Variants in ATF6B observed in about 807,000 individuals in gnomAD.
The protein encoded by ATF6B is activating transcription factor 6 beta.
A neutral mutation model predicts 83.5 loss-of-function variants in ATF6B; 50 were observed. The ratio of observed to expected loss-of-function variants is 0.60; its 90% CI spans 0.48 to 0.76. The LOEUF (loss-of-function observed/expected upper bound fraction) is 0.76. ATF6B is among the 30% of genes least tolerant of loss of function. ATF6B has a pLI of 0.00. For missense variants in ATF6B, 790 were observed against 893.8 expected (o/e 0.88, Z 1.48); for synonymous variants, 344 against 362.8 (o/e 0.95, Z 0.59).
intron 6 of ATF6B, 25 bp from the exon 7 acceptor site, chr6:32,121,149 A>G: frequency 6.2e-7 from 1 of 1,605,042 alleles, no homozygotes; most frequent in South Asian, 1.1e-5. Flanking sequence ...CCAGAGATAC[A>G]TTAGTCAGGA....
chr6:32,126,306 G>C, intron 4 of ATF6B, 54 bp from the exon 5 acceptor site: 1 of 1,596,344 alleles, frequency 6.3e-7, no homozygotes, highest in Non-Finnish European at 8.5e-7. Context: ...AAAAACAAGG[G>C]AGATGTTGAC....
rs774261677 is a variant in ATF6B, at chr6:32,127,449, G to A, written c.243C>T (p.Ile81=). ...CGACAAAGACTACCTTACCTGGGAA[G>A]ATCGGCAGGAGTTCCCATGGGGGCT... ...PSEPPWELLP[I]FPDLQVKSEP... The change falls in exon 3 of 18, where the codon ATC becomes ATT. Residue 81 remains isoleucine, a synonymous_variant. Coordinates refer to ENST00000375203, the MANE Select transcript of ATF6B (RefSeq NM_004381.5). The A allele has an allele frequency of 1.9e-6, 3 of 1,611,752 alleles. No individual in the cohort carries two copies. The highest frequency in any genetic ancestry group is 2.2e-5 in the South Asian group (2 of 90,894).
In ATF6B at chr6:32,117,185, G is replaced by A; in HGVS notation, c.1615-78C>T. On this transcript the variant is annotated intron_variant, in intron 14 of 17. Coordinates refer to ENST00000375203, the MANE Select transcript of ATF6B (RefSeq NM_004381.5). This position sits in a 1 kb window ranked among gnomAD's most constrained non-coding sequence, Gnocchi z 5.0. Reference sequence around the variant, plus strand: ...AGACAAACAGCCCCTGGAAGCTGATGCCACCTCCCACTCAACCCTCCACTT... The same window carrying A: ...AGACAAACAGCCCCTGGAAGCTGATACCACCTCCCACTCAACCCTCCACTT... 6.5e-7 allele frequency: 1 copy of A among 1,546,198 alleles called. No homozygotes were observed. Among genetic ancestry groups the A allele is most frequent in the Non-Finnish European group, 8.9e-7 (1 of 1,126,806 alleles).
In ATF6B at chr6:32,115,739, T is replaced by C; in HGVS notation, c.2112A>G (p.Ter704TrpextTer8). The change falls in exon 18 of 18, where the codon TGA becomes TGG. Residue 704 changes from the stop codon to tryptophan (W), a stop_lost. Transcript: ENST00000375203. ...TCTAAGTCAGTGTGAATGGCAGAGG[T>C]CAGGGATGATTGAGGTAGAGGGGCT... ...SHQPLYLNHP[*>W] 1 of 1,592,302 alleles carries C rather than the reference T, an allele frequency of 6.3e-7. No homozygotes were observed. Among genetic ancestry groups the C allele is most frequent in the Non-Finnish European group, 8.6e-7 (1 of 1,168,834 alleles).
chr6:32,125,951 T>TCCTCTCCTTCCTGCCTTC lies in ATF6B; in HGVS notation c.478+148_478+165dup. ...CCTTGCTGTGGTTCCCTGAAATGTT[T>TCCTCTCCTTCCTGCCTTC]CCTCTCCTTCCTGCCTTCCCTCCTG... On this transcript the variant is annotated intron_variant, in intron 5 of 17. Transcript: ENST00000375203. The surrounding 1 kb of genome is among the most constrained non-coding windows in gnomAD (Gnocchi z 4.1). 1 of 968,542 alleles carries TCCTCTCCTTCCTGCCTTC rather than the reference T, an allele frequency of 1.0e-6. No homozygotes were observed. The highest frequency in any genetic ancestry group is 2.6e-5 in the East Asian group (1 of 38,068). The allele number at this position is 968,542 out of a possible 1,614,324, so 60.0% of individuals were successfully genotyped here.
In ATF6B at chr6:32,117,696, T is replaced by C. The variant is rs773553311; in HGVS notation, c.1425-2A>G. 5 of 1,613,666 alleles carry C rather than the reference T, an allele frequency of 3.1e-6. No individual in the cohort carries two copies. In the South Asian group the frequency reaches 5.5e-5, roughly 18 times the overall value. On this transcript the variant is annotated splice_acceptor_variant, in intron 12 of 17. Transcript: ENST00000375203. LOFTEE classifies it high-confidence loss of function. The surrounding 1 kb of genome is among the most constrained non-coding windows in gnomAD (Gnocchi z 5.0). ...CCCCCAGGGAAGGCTGTCAGGTTGC[T>C]GGAGTGAAGCAGGAAGGAGACAACA...
rs1781529363 is a variant in ATF6B, at chr6:32,116,367, C to T, written c.1882+113G>A. On this transcript the variant is annotated intron_variant, in intron 17 of 17. Coordinates refer to ENST00000375203, the MANE Select transcript of ATF6B (RefSeq NM_004381.5). This position sits in a 1 kb window ranked among gnomAD's most constrained non-coding sequence, Gnocchi z 5.1. ...TCCACCTACTTCCTGCTGCTTCTCACCTGTGGGTCCAGCAGCTCTCTGGAT... is the reference window on the plus strand; with the variant it reads ...TCCACCTACTTCCTGCTGCTTCTCATCTGTGGGTCCAGCAGCTCTCTGGAT... 2 of 1,015,030 alleles carry T rather than the reference C, an allele frequency of 2.0e-6. No homozygotes were observed. Among genetic ancestry groups the T allele is most frequent in the African/African-American group, 1.6e-5 (1 of 61,616 alleles). 62.9% of individuals were successfully genotyped at this position (1,015,030 alleles called of 1,614,324 possible). A position where few individuals can be genotyped will look rare whatever the true frequency, so the allele number is the denominator to read the frequency against.
At position 32,127,425 on chromosome 6, in the gene ATF6B, G is replaced by A. The variant is rs201248959; in HGVS notation, c.250+17C>T. 67 of 1,598,778 alleles carry A rather than the reference G, an allele frequency of 4.2e-5. No homozygotes were observed. In the East Asian group the frequency reaches 8.7e-4, roughly 21 times the overall value. ...AGGGTTTCTGGAAATCTGAGGGAAC[G>A]ACAAAGACTACCTTACCTGGGAAGA... is the stretch of plus-strand genomic sequence containing the variant. On this transcript the variant is annotated intron_variant, in intron 3 of 17. Transcript: ENST00000375203.
chr6:32,123,107 A>G (rs1479734921), intron 5 of ATF6B, among the ~76,000 whole-genome samples: 2 of 151,522 alleles, frequency 1.3e-5, no homozygotes, highest in African/African-American at 4.8e-5. Context: ...ACGTGCCTGT[A>G]GTCCTAGCTA....
intron 5 of ATF6B, among the ~76,000 whole-genome samples, chr6:32,121,570 C>T (rs181803765): frequency 8.0e-4 from 122 of 152,190 alleles, no homozygotes; most frequent in Middle Eastern, 3.4e-3. Flanking sequence ...GGCATGGTGG[C>T]GCATCCCTGT....
In ATF6B at chr6:32,115,621, C is replaced by T; in HGVS notation, c.*118G>A. 3.3e-6 allele frequency: 3 copies of T among 896,172 alleles called. No homozygotes were observed. Among genetic ancestry groups the T allele is most frequent in the Non-Finnish European group, 3.4e-6 (2 of 585,606 alleles). 55.5% of individuals were successfully genotyped at this position (896,172 alleles called of 1,614,324 possible). ...ACCTCAAATAAGTGCTTAACCCCCA[C>T]ACCTGCTCTTTCCTTTACCAATTGC... is the stretch of plus-strand genomic sequence containing the variant. On this transcript the variant is annotated 3_prime_UTR_variant, in exon 18 of 18. Coordinates refer to ENST00000375203, the MANE Select transcript of ATF6B (RefSeq NM_004381.5).
chr6:32,127,596 G>A (rs1246575457), intron 2 of ATF6B, 75 bp downstream of exon 2: 1 of 1,610,316 alleles, frequency 6.2e-7, no homozygotes, highest in East Asian at 2.2e-5. Flanking sequence ...GATGAGTTAT[G>A]GCCTGTGAAT....
chr6:32,123,085 G>A (rs1029576144), intron 5 of ATF6B, among the ~76,000 whole-genome samples: 14 of 151,570 alleles, frequency 9.2e-5, no homozygotes, highest in Admixed American at 3.9e-4. Flanking sequence ...AAAAATAGCC[G>A]GACATGGTGG....
In ATF6B at chr6:32,118,879, G is replaced by C. The variant is rs1235020800; in HGVS notation, c.1153-13C>G. On this transcript the variant is annotated splice_polypyrimidine_tract_variant and intron_variant, in intron 10 of 17. Coordinates refer to ENST00000375203, the MANE Select transcript of ATF6B (RefSeq NM_004381.5). This position sits in a 1 kb window ranked among gnomAD's most constrained non-coding sequence, Gnocchi z 5.2. Reference sequence around the variant, plus strand: ...TGAGCTCGCTGTTCTAAGGTACAAAGAAGGAGACAAGAAAAAGGGGAATCA... The same window carrying C: ...TGAGCTCGCTGTTCTAAGGTACAAACAAGGAGACAAGAAAAAGGGGAATCA... 6.2e-7 allele frequency: 1 copy of C among 1,614,216 alleles called. No homozygotes were observed. The highest frequency in any genetic ancestry group is 8.5e-7 in the Non-Finnish European group (1 of 1,180,028).
At chr6:32,120,960 G>A in intron 7 of ATF6B, 29 bp downstream of exon 7, 1 of 1,518,944 alleles carries the variant, frequency 6.6e-7, no homozygotes, top group African/African-American at 1.4e-5. Flanking sequence ...CTCTCACTAG[G>A]GATTCCAAGT....
At chr6:32,124,073 G>A (rs1438655784) in intron 5 of ATF6B, among the ~76,000 whole-genome samples, 3 of 152,116 alleles carry the variant, frequency 2.0e-5, no homozygotes, top group African/African-American at 4.8e-5. Context: ...GGTGGAGCAT[G>A]CCTGTAATCC....
chr6:32,120,014 A>C, intron 8 of ATF6B, 57 bp from the exon 9 acceptor site: 6 of 1,559,462 alleles, frequency 3.8e-6, no homozygotes, highest in Non-Finnish European at 5.2e-6. Flanking sequence ...CCTTGTGTCC[A>C]CACCCACACA....
chr6:32,120,670 T>TA, intron 8 of ATF6B, 101 bp downstream of exon 8: 2 of 1,424,890 alleles, frequency 1.4e-6, no homozygotes, highest in Non-Finnish European at 1.9e-6. Flanking sequence ...AGGCTGGTCT[T>TA]AAACTTCTGA....
Position 32,127,573 on chromosome 6 carries a change from A to G in ATF6B, c.172-53T>C, listed in dbSNP as rs1782036471. On this transcript the variant is annotated intron_variant, in intron 2 of 17. Transcript: ENST00000375203. Reference sequence around the variant, plus strand: ...GGAGTGTGAGAAAGGATGAGAAAGTAGGGGTGACTCCAGATGAGTTATGGC... The same window carrying G: ...GGAGTGTGAGAAAGGATGAGAAAGTGGGGGTGACTCCAGATGAGTTATGGC... 5.6e-6 allele frequency: 9 copies of G among 1,608,684 alleles called. No homozygotes were observed. In the Admixed American group the frequency reaches 1.3e-4, roughly 24 times the overall value.
Sources: gnomAD v4.1 joint callset for allele counts (sites outside exome capture counted in the v4.1 genomes callset) on GRCh38, gnomAD v4.1.1 for gene constraint, Gnocchi (gnomAD v3.1) non-coding constraint, MANE v1.5 for transcripts, NCBI Gene and HGNC (gene_info 2026-07-23, HGNC 2026-07-21) for gene names.